The following COP1 variants were observed in gnomAD, a reference collection of about 807,000 sequenced individuals.
The protein encoded by COP1 is E3 ubiquitin-protein ligase COP1.
Under a neutral mutation model 101.3 loss-of-function variants are expected in COP1, and 24 were observed. The observed-to-expected ratio is 0.24, with a 90% confidence interval of 0.17 to 0.33. The LOEUF is 0.33. Ranked by LOEUF, COP1 falls within the 10% of genes least tolerant of loss-of-function variation. The pLI, the probability that COP1 is intolerant of heterozygous loss-of-function variation, is 1.00. For missense variants in COP1, 663 were observed against 906.2 expected, an observed-to-expected ratio of 0.73 and a Z score of 3.45; for synonymous variants, 347 against 341.9, an observed-to-expected ratio of 1.01 and a Z score of -0.17.
intron 2 of COP1, among the ~76,000 whole-genome samples, chr1:176,181,347 C>T (rs77033416): frequency 2.1e-3 from 311 of 151,258 alleles, no homozygotes; most frequent in African/African-American, 7.3e-3. Flanking sequence ...CAAGAGGCTA[C>T]GGTTAATGAC....
At chr1:176,045,582 A>G (rs949241467) in intron 12 of COP1, among the ~76,000 whole-genome samples, 37 of 89,334 alleles carry the variant, frequency 4.1e-4, no homozygotes, top group African/African-American at 2.0e-3. Context: ...GTTTAGAAGG[A>G]AAAAAAAAAA....
At chr1:176,101,269 T>C (rs918179732) in intron 9 of COP1, among the ~76,000 whole-genome samples, 2 of 152,056 alleles carry the variant, frequency 1.3e-5, no homozygotes, top group Admixed American at 6.6e-5. Context: ...TCACTTTCCC[T>C]CCCTCAAATA....
intron 11 of COP1, 31 bp downstream of exon 11, chr1:176,081,121 A>T (rs1242443372): frequency 1.3e-6 from 2 of 1,540,952 alleles, no homozygotes; most frequent in Non-Finnish European, 1.8e-6. Flanking sequence ...ACATTCTTAC[A>T]AAAGAAAATA....
chr1:176,133,065 T>G (rs1235067910), intron 8 of COP1, among the ~76,000 whole-genome samples: 1 of 134,780 alleles, frequency 7.4e-6, no homozygotes, highest in Non-Finnish European at 1.6e-5. Context: ...CATATACACA[T>G]ATGTACGTAT....
rs76431299 is a variant in COP1, at chr1:175,969,453, G to A, written c.2133+17490C>T. Reference sequence around the variant, plus strand: ...GTTGCCTATCCTTACCTGAGGAAAGGAATGCCCTTATCTCTGGAGACAGAG... The same window carrying A: ...GTTGCCTATCCTTACCTGAGGAAAGAAATGCCCTTATCTCTGGAGACAGAG... On this transcript the variant is annotated intron_variant, in intron 18 of 19. Coordinates refer to ENST00000367669, the MANE Select transcript of COP1 (RefSeq NM_022457.7). Among the ~76,000 whole-genome samples the A allele has an allele frequency of 8.8e-3, 1,343 of 152,216 alleles. 22 individuals are homozygous for A. Among genetic ancestry groups the A allele is most frequent in the African/African-American group, 0.03 (1,252 of 41,508 alleles).
chr1:176,074,996 A>G (rs1677716255), intron 11 of COP1, among the ~76,000 whole-genome samples: 1 of 152,118 alleles, frequency 6.6e-6, no homozygotes. Flanking sequence ...TGTTGCTCCA[A>G]AGTAAACTGT....
intron 9 of COP1, among the ~76,000 whole-genome samples, chr1:176,116,384 T>G (rs941186221): frequency 6.6e-6 from 1 of 152,130 alleles, no homozygotes; most frequent in Non-Finnish European, 1.5e-5. Context: ...AGCAAAACAC[T>G]TTAGATTTGT....
At chr1:176,048,553 T>C (rs931254973) in intron 11 of COP1, among the ~76,000 whole-genome samples, 1 of 152,198 alleles carries the variant, frequency 6.6e-6, no homozygotes, top group African/African-American at 2.4e-5. Flanking sequence ...CAACTCAATT[T>C]ATACCCATAG....
chr1:176,173,639 A>AAAAT (rs1175181079), intron 3 of COP1, among the ~76,000 whole-genome samples: 190 of 146,052 alleles, frequency 1.3e-3, no homozygotes, highest in African/African-American at 4.5e-3. Context: ...CGCTGTCTCA[A>AAAAT]AAAAAAAAAA....
At chr1:176,064,969 C>T (rs754940770) in intron 11 of COP1, among the ~76,000 whole-genome samples, 9 of 152,092 alleles carry the variant, frequency 5.9e-5, no homozygotes, top group Non-Finnish European at 1.0e-4. Context: ...CTTGCTGTTG[C>T]CGTTTAACCT....
chr1:176,097,436 C>T (rs968817287), intron 9 of COP1, among the ~76,000 whole-genome samples: 13 of 152,098 alleles, frequency 8.5e-5, no homozygotes, highest in African/African-American at 2.9e-4. Context: ...AAAGGCTCCA[C>T]CTGGAGACCA....
At chr1:176,037,958 C>T (rs1026473669) in intron 14 of COP1, among the ~76,000 whole-genome samples, 26 of 151,900 alleles carry the variant, frequency 1.7e-4, no homozygotes, top group African/African-American at 5.6e-4. Flanking sequence ...AAGGCAGGAA[C>T]GGGAAAGAAA....
chr1:176,138,276 G>C (rs1335167048), intron 6 of COP1, among the ~76,000 whole-genome samples: 4 of 152,090 alleles, frequency 2.6e-5, no homozygotes, highest in Non-Finnish European at 5.9e-5. Context: ...AGAGATAAAA[G>C]CAAAACTGAA....
intron 9 of COP1, among the ~76,000 whole-genome samples, chr1:176,092,904 C>T (rs1681589207): frequency 6.6e-6 from 1 of 152,074 alleles, no homozygotes; most frequent in African/African-American, 2.4e-5. Context: ...TACAAAGATG[C>T]CCTTAATAGC....
chr1:175,948,226 G>A (rs1649426420), intron 18 of COP1, among the ~76,000 whole-genome samples: 1 of 152,196 alleles, frequency 6.6e-6, no homozygotes, highest in African/African-American at 2.4e-5. Flanking sequence ...TTACTAGAGA[G>A]AATCTCAGAA....
intron 5 of COP1, among the ~76,000 whole-genome samples, chr1:176,152,445 C>A (rs1284805668): frequency 6.6e-6 from 1 of 151,606 alleles, no homozygotes; most frequent in African/African-American, 2.4e-5. Context: ...GTAATTATTA[C>A]TTAGATTTTT....
At chr1:176,014,044 T>A (rs1308425328) in intron 15 of COP1, among the ~76,000 whole-genome samples, 1 of 152,204 alleles carries the variant, frequency 6.6e-6, no homozygotes, top group Admixed American at 6.5e-5. Context: ...CTTCAAAATA[T>A]ACAAAGTATT....
At chr1:176,201,476 C>G (rs1700251179) in intron 1 of COP1, among the ~76,000 whole-genome samples, 3 of 152,160 alleles carry the variant, frequency 2.0e-5, no homozygotes, top group Admixed American at 1.3e-4. Context: ...TAATCAGTAA[C>G]AGTTCTTAGA....
Position 176,007,128 on chromosome 1 carries a change from G to T in COP1, c.1730-17649C>A, listed in dbSNP as rs1228925303. ...ATCGCTGATACCCTTTCTTCCAGTT[G>T]ATCGCATCGGCTCCTGAGGCTTCTG... On this transcript the variant is annotated intron_variant, in intron 15 of 19. Transcript: ENST00000367669. Among the ~76,000 whole-genome samples, 5 of 152,132 alleles carry T rather than the reference G, an allele frequency of 3.3e-5. No homozygotes were observed. In the South Asian group the frequency reaches 1.0e-3, roughly 32 times the overall value.
Sources: gnomAD v4.1 joint callset for allele counts (sites outside exome capture counted in the v4.1 genomes callset) on GRCh38, gnomAD v4.1.1 for gene constraint, MANE v1.5 for transcripts, NCBI Gene and HGNC (gene_info 2026-07-23, HGNC 2026-07-21) for gene names.